The following ZMAT4 variants were observed in gnomAD, a reference collection of about 807,000 sequenced individuals.
The protein encoded by ZMAT4 is zinc finger matrin-type 4, also known as zinc finger matrin-type protein 4.
A neutral mutation model predicts 28.7 loss-of-function variants in ZMAT4; 17 were observed. The ratio of observed to expected loss-of-function variants is 0.59; its 90% confidence interval spans 0.41 to 0.89. The LOEUF (loss-of-function observed/expected upper bound fraction) is 0.89, where lower values mean the gene tolerates loss of function less well. Among genes scored for constraint, ZMAT4 ranks in the 40% least tolerant of loss-of-function variants. The pLI is 0.00. For synonymous variants in ZMAT4, 117 were observed against 109.2 expected, an observed-to-expected ratio of 1.07 and a Z score of -0.44; for missense variants, 240 against 283.8, an observed-to-expected ratio of 0.85 and a Z score of 1.11.
rs552001838 is a variant in ZMAT4 at position 40,879,708 on chromosome 8, G to A, written c.-5+17975C>T. ...TGAAAACCGCAAAAAAATATATAAAGAAGAAAACAAAAATCATCAATCATC... is the reference window on the plus strand; with the variant it reads ...TGAAAACCGCAAAAAAATATATAAAAAAGAAAACAAAAATCATCAATCATC... On this transcript the variant is annotated intron_variant, in intron 1 of 6. Transcript: ENST00000297737. Among the ~76,000 whole-genome samples, 342 of 152,208 alleles carry A rather than the reference G, an allele frequency of 2.2e-3. 3 individuals carry two copies. Among genetic ancestry groups the A allele is most frequent in the Non-Finnish European group, 4.3e-3 (292 of 67,998 alleles).
At chr8:40,601,510 AG>A (rs1460134453) in intron 5 of ZMAT4, among the ~76,000 whole-genome samples, 58 of 113,920 alleles carry the variant, frequency 5.1e-4, no homozygotes, top group Middle Eastern at 8.5e-3. Flanking sequence ...AGAAAGAAAG[AG>A]AAAGAGAAAG....
At chr8:40,660,934 T>C (rs1033510312) in intron 5 of ZMAT4, among the ~76,000 whole-genome samples, 2 of 152,208 alleles carry the variant, frequency 1.3e-5, no homozygotes, top group African/African-American at 2.4e-5. Context: ...CACAATGATA[T>C]GGACTTTTAA....
chr8:40,600,907 C>G (rs946368467), intron 5 of ZMAT4, among the ~76,000 whole-genome samples: 1 of 152,154 alleles, frequency 6.6e-6, no homozygotes, highest in Non-Finnish European at 1.5e-5. Flanking sequence ...ACTTTTGTCC[C>G]TCTAGCCCAA....
intron 1 of ZMAT4, among the ~76,000 whole-genome samples, chr8:40,886,914 A>G (rs1331108065): frequency 1.6e-4 from 24 of 151,990 alleles, no homozygotes; most frequent in East Asian, 7.8e-4. Context: ...GCTCACGCCT[A>G]TAATCCCAGC....
At chr8:40,711,156 T>A (rs1029475207) in intron 3 of ZMAT4, among the ~76,000 whole-genome samples, 6 of 152,266 alleles carry the variant, frequency 3.9e-5, no homozygotes, top group Middle Eastern at 3.4e-3. Flanking sequence ...TTCACCTTTG[T>A]AGAATGATAG....
intron 5 of ZMAT4, among the ~76,000 whole-genome samples, chr8:40,613,417 C>T (rs1805879032): frequency 6.6e-6 from 1 of 151,982 alleles, no homozygotes; most frequent in Non-Finnish European, 1.5e-5. Context: ...CTCCTGACTT[C>T]AAGTGATCTG....
At chr8:40,597,998 C>A (rs368122712) in intron 5 of ZMAT4, among the ~76,000 whole-genome samples, 3 of 152,210 alleles carry the variant, frequency 2.0e-5, no homozygotes. Flanking sequence ...CAGTAATATG[C>A]CTTTTCCAAA....
chr8:40,664,397 G>T (rs1808319670), intron 5 of ZMAT4, among the ~76,000 whole-genome samples: 1 of 152,178 alleles, frequency 6.6e-6, no homozygotes, highest in Non-Finnish European at 1.5e-5. Context: ...TCTTGTTGGT[G>T]CATAGCTATT....
chr8:40,590,923 A>C (rs1424092355), intron 5 of ZMAT4, among the ~76,000 whole-genome samples: 2 of 152,140 alleles, frequency 1.3e-5, no homozygotes, highest in African/African-American at 4.8e-5. Context: ...GATAGCAAAT[A>C]TAATTCAGCT....
intron 4 of ZMAT4, among the ~76,000 whole-genome samples, chr8:40,690,072 C>G (rs1809593996): frequency 6.6e-6 from 1 of 152,150 alleles, no homozygotes; most frequent in African/African-American, 2.4e-5. Context: ...CAGTCTTAAT[C>G]TAATCATTGC....
chr8:40,647,167 G>A (rs1807362902), intron 5 of ZMAT4, among the ~76,000 whole-genome samples: 2 of 152,214 alleles, frequency 1.3e-5, no homozygotes, highest in South Asian at 4.1e-4. Context: ...GAGGTACCAG[G>A]TTCATCTCAC....
At chr8:40,808,992 T>C (rs1052188801) in intron 2 of ZMAT4, among the ~76,000 whole-genome samples, 3 of 152,108 alleles carry the variant, frequency 2.0e-5, no homozygotes, top group African/African-American at 7.2e-5. Flanking sequence ...GATTATTCTG[T>C]CAAAAAGACA....
rs930019379 is a variant in ZMAT4, at chr8:40,802,235, G to A, written c.102+23340C>T. 3.9e-5 allele frequency among the ~76,000 whole-genome samples: 6 copies of A among 151,980 alleles called. No individual in the cohort carries two copies. In the East Asian group the frequency reaches 7.7e-4, roughly 20 times the overall value. ...CTGAAAGTCCTAGCTAATGCAATAA[G>A]GAAAGAAAAGGAAATAAAAGGTATA... On this transcript the variant is annotated intron_variant, in intron 2 of 6. Coordinates refer to ENST00000297737, the MANE Select transcript of ZMAT4 (RefSeq NM_024645.3).
intron 3 of ZMAT4, among the ~76,000 whole-genome samples, chr8:40,728,860 C>G (rs1011050939): frequency 6.6e-6 from 1 of 152,096 alleles, no homozygotes; most frequent in Non-Finnish European, 1.5e-5. Context: ...CGCCATTCCC[C>G]GCAGGCAACC....
intron 6 of ZMAT4, among the ~76,000 whole-genome samples, chr8:40,542,509 C>A (rs76040287): frequency 0.011 from 1,684 of 152,102 alleles, 35 homozygotes; most frequent in African/African-American, 0.039. Context: ...CCACCTCAGG[C>A]TCTGGAGTAG....
chr8:40,826,204 T>C (rs7003967), intron 1 of ZMAT4, among the ~76,000 whole-genome samples: 34,787 of 152,124 alleles, frequency 0.23, 4,257 homozygotes, highest in South Asian at 0.31. Flanking sequence ...CAATAGAAAG[T>C]GGGTTAAATG....
chr8:40,647,194 G>C (rs1807364235), intron 5 of ZMAT4, among the ~76,000 whole-genome samples: 1 of 152,212 alleles, frequency 6.6e-6, no homozygotes, highest in Non-Finnish European at 1.5e-5. Context: ...GTGCCAGACA[G>C]TGGGCGCAGG....
chr8:40,557,616 TC>T (rs1803589110), intron 6 of ZMAT4, among the ~76,000 whole-genome samples: 1 of 152,194 alleles, frequency 6.6e-6, no homozygotes, highest in African/African-American at 2.4e-5. Context: ...TGGTAGCCCC[TC>T]TTTTATATTC....
chr8:40,842,142 G>A (rs1166106055), intron 1 of ZMAT4, among the ~76,000 whole-genome samples: 1 of 152,220 alleles, frequency 6.6e-6, no homozygotes, highest in Non-Finnish European at 1.5e-5. Flanking sequence ...AGAAAAAGAA[G>A]CAAGTGTGGC....
Sources: allele counts gnomAD v4.1 joint callset (sites outside exome capture counted in the v4.1 genomes callset), GRCh38; gene constraint gnomAD v4.1.1; transcripts MANE v1.5; gene names NCBI Gene and HGNC (gene_info 2026-07-23, HGNC 2026-07-21).